Variants in VLDLR observed in about 807,000 individuals in gnomAD.
The protein encoded by VLDLR is very low-density lipoprotein receptor.
Under a neutral mutation model 112.7 loss-of-function variants are expected in VLDLR, and 81 were observed. The ratio of observed to expected loss-of-function variants is 0.72; its 90% confidence interval spans 0.60 to 0.86. The LOEUF (loss-of-function observed/expected upper bound fraction) is 0.86, where lower values mean the gene tolerates loss of function less well. Among genes scored for constraint, VLDLR ranks in the 40% least tolerant of loss-of-function variants. The pLI, the probability that VLDLR is intolerant of heterozygous loss-of-function variation, is 0.00. For missense variants in VLDLR, 1,237 were observed against 1,099.4 expected (o/e 1.13, Z -1.77); for synonymous variants, 436 against 384.8 (o/e 1.13, Z -1.56).
intron 4 of VLDLR, 85 bp from the exon 5 acceptor site, chr9:2,643,075 A>ATAAATAATAATGAATAATAAATAAAT: frequency 1.3e-6 from 2 of 1,585,674 alleles, no homozygotes; most frequent in East Asian, 4.5e-5. Context: ...TAATGAATAA[A>ATAAATAATAATGAATAATAAATAAAT]GATCAATGTA....
chr9:2,650,632 G>T, intron 15 of VLDLR, 116 bp downstream of exon 15: 1 of 1,404,736 alleles, frequency 7.1e-7, no homozygotes, highest in Middle Eastern at 1.8e-4. Context: ...GATTTGAGAA[G>T]ATATCTGCTA....
chr9:2,649,861 C>A (rs959693149), intron 14 of VLDLR, among the ~76,000 whole-genome samples: 1 of 152,220 alleles, frequency 6.6e-6, no homozygotes, highest in Admixed American at 6.5e-5. Context: ...CCCCCTGTGA[C>A]ACACCTGATA....
In VLDLR at chr9:2,622,142, G is replaced by A; in HGVS notation, c.-48G>A. 2 of 1,398,758 alleles carry A rather than the reference G, an allele frequency of 1.4e-6. No individual in the cohort carries two copies. The highest frequency in any genetic ancestry group is 1.4e-5 in the South Asian group (1 of 73,022). The allele number at this position is 1,398,758 out of a possible 1,614,324, so 86.6% of individuals were successfully genotyped here. A position where few individuals can be genotyped will look rare whatever the true frequency, so the allele number is the denominator to read the frequency against. Reference sequence around the variant, plus strand: ...AAGGACTGGTAACTTGTCGTGCGGAGCGAACGGCGGCGGCGGCGGCGGCGG... The same window carrying A: ...AAGGACTGGTAACTTGTCGTGCGGAACGAACGGCGGCGGCGGCGGCGGCGG... On this transcript the variant is annotated 5_prime_UTR_variant, in exon 1 of 19. Transcript: ENST00000382100.
At chr9:2,648,600 G>A in intron 13 of VLDLR, 69 bp from the exon 14 acceptor site, 1 of 1,608,310 alleles carries the variant, frequency 6.2e-7, no homozygotes, top group South Asian at 1.1e-5. Context: ...AGAAGTAAAT[G>A]ATGATGACCT....
At chr9:2,622,781 C>A (rs867765599) in intron 1 of VLDLR, among the ~76,000 whole-genome samples, 2 of 152,220 alleles carry the variant, frequency 1.3e-5, no homozygotes, top group Non-Finnish European at 2.9e-5. Flanking sequence ...TCAGAGTCTT[C>A]CGGCGGCCGC....
rs1010803233 is a variant in VLDLR, at chr9:2,657,627, A to G, written c.*3759A>G. 13 of 152,260 alleles carry G rather than the reference A, an allele frequency of 8.5e-5. No homozygotes were observed. The highest frequency in any genetic ancestry group is 1.5e-4 in the Non-Finnish European group (10 of 68,048). The allele number at this position is 152,260 out of a possible 1,614,324, so 9.4% of individuals were successfully genotyped here. On this transcript the variant is annotated 3_prime_UTR_variant, in exon 19 of 19. Transcript: ENST00000382100. ...TTAGTGGGGAGATGGTAGTGGCAAT[A>G]GCAGCGATAGTTGCGTCAGTGCTAA...
intron 14 of VLDLR, 83 bp from the exon 15 acceptor site, chr9:2,650,287 C>G: frequency 2.5e-6 from 4 of 1,576,028 alleles, no homozygotes; most frequent in Non-Finnish European, 3.5e-6. Flanking sequence ...GGCAAGGACT[C>G]AGGTCTTCAA....
At chr9:2,626,529 A>G (rs1817095464) in intron 1 of VLDLR, among the ~76,000 whole-genome samples, 1 of 152,206 alleles carries the variant, frequency 6.6e-6, no homozygotes. Context: ...TTGAGTCTCT[A>G]AGCAAGAGAA....
chr9:2,643,274 G>C lies in VLDLR; in HGVS notation c.563G>C (p.Cys188Ser). ...AGCGATGGCAGTGATGAGCTGGACT[G>C]TGCCCCGCCAACCTGTGGCGCCCAT... The part of the protein sequence containing the change: ...DCSDGSDELD[C>S]APPTCGAHEF... Residue 188 changes from cysteine (C) to serine (S), a missense_variant, in exon 5 of 19, where the codon TGT becomes TCT. Coordinates refer to ENST00000382100, the MANE Select transcript of VLDLR (RefSeq NM_003383.5). 6.2e-7 allele frequency: 1 copy of C among 1,613,898 alleles called. No homozygotes were observed. Among genetic ancestry groups the C allele is most frequent in the Admixed American group, 1.7e-5 (1 of 60,018 alleles).
rs898344587 is a variant in VLDLR at position 2,648,782 on chromosome 9, T to C, written c.2076T>C (p.Ile692=). Residue 692 remains isoleucine, a synonymous_variant, in exon 14 of 19, where the codon ATT becomes ATC. Coordinates refer to ENST00000382100, the MANE Select transcript of VLDLR (RefSeq NM_003383.5). The part of the protein sequence containing the change: ...VNNLNDAQDI[I]VYHELVQPSG... ...ACCTGAATGATGCCCAAGACATCAT[T>C]GTCTATCATGAACTTGTACAGCCAT... 1.2e-6 allele frequency: 2 copies of C among 1,614,134 alleles called. No homozygotes were observed. The highest frequency in any genetic ancestry group is 1.7e-5 in the Admixed American group (1 of 60,022).
At position 2,658,614 on chromosome 9, in the gene VLDLR, T is replaced by G. The variant is rs543268267; in HGVS notation, c.*4746T>G. On this transcript the variant is annotated 3_prime_UTR_variant, in exon 19 of 19. Transcript: ENST00000382100. ...GTGGTACCTTGGGCAAGTTACTAAC[T>G]CCCTCTGTAAAGTAGAGACGATGGG... is the stretch of plus-strand genomic sequence containing the variant. 6.6e-6 allele frequency: 1 copy of G among 152,282 alleles called. No homozygotes were observed. 9.4% of individuals were successfully genotyped at this position (152,282 alleles called of 1,614,324 possible).
chr9:2,643,566 C>G (rs771650738), intron 5 of VLDLR, 35 bp downstream of exon 5: 2 of 1,614,220 alleles, frequency 1.2e-6, no homozygotes, highest in Non-Finnish European at 1.7e-6. Flanking sequence ...GTTCAGTTCT[C>G]TTCCCTGTAT....
At chr9:2,625,376 T>C (rs1483133973) in intron 1 of VLDLR, among the ~76,000 whole-genome samples, 1 of 152,226 alleles carries the variant, frequency 6.6e-6, no homozygotes, top group African/African-American at 2.4e-5. Context: ...ATACAGCTAA[T>C]TCATTTTAAA....
chr9:2,635,370 G>A (rs1358372696), intron 1 of VLDLR, 83 bp from the exon 2 acceptor site: 3 of 1,605,390 alleles, frequency 1.9e-6, no homozygotes, highest in African/African-American at 2.7e-5. Context: ...GTATCCTTCT[G>A]AGAAGGTCCC....
rs1281202064 is a variant in VLDLR at position 2,647,544 on chromosome 9, C to T, written c.1774C>T (p.Arg592Cys). 9 of 1,614,028 alleles carry T rather than the reference C, an allele frequency of 5.6e-6. No individual in the cohort carries two copies. Among genetic ancestry groups the T allele is most frequent in the African/African-American group, 4.0e-5 (3 of 74,922 alleles). ...AGCAGGAATGAATGGATTCGATAGA[C>T]GTCCACTGGTGACAGCGGATATCCA... is the stretch of plus-strand genomic sequence containing the variant. Reference protein sequence around the residue: ...EKAGMNGFDRRPLVTADIQWP... With the variant: ...EKAGMNGFDRCPLVTADIQWP... Residue 592 changes from arginine to cysteine, a missense_variant, in exon 12 of 19, where the codon CGT becomes TGT. Physicochemically the swap from Arg to Cys is radical, Grantham distance 180. Coordinates refer to ENST00000382100, the MANE Select transcript of VLDLR (RefSeq NM_003383.5).
intron 1 of VLDLR, among the ~76,000 whole-genome samples, chr9:2,633,051 AGTGTGTGTGTGTGTGT>A (rs71329439): frequency 2.6e-5 from 3 of 115,402 alleles, no homozygotes; most frequent in African/African-American, 1.0e-4. Flanking sequence ...AGAGAGAGAG[AGTGTGTGTGTGTGTGT>A]GTGTGTGTGT....
chr9:2,654,637 C>CTGTT lies in VLDLR; in HGVS notation c.*771_*774dup, dbSNP rs1416492985. 1 of 152,166 alleles carries CTGTT rather than the reference C, an allele frequency of 6.6e-6. No homozygotes were observed. Among genetic ancestry groups the CTGTT allele is most frequent in the Non-Finnish European group, 1.5e-5 (1 of 68,030 alleles). 9.4% of individuals were successfully genotyped at this position (152,166 alleles called of 1,614,324 possible). ...CCTAGCACAGTTAAAAAATGAAGTA[C>CTGTT]TGTTTAACATTTGCTCCCGAAATAT... On this transcript the variant is annotated 3_prime_UTR_variant, in exon 19 of 19. Transcript: ENST00000382100.
intron 1 of VLDLR, among the ~76,000 whole-genome samples, chr9:2,627,604 C>G (rs1817152479): frequency 6.6e-6 from 1 of 152,054 alleles, no homozygotes; most frequent in African/African-American, 2.4e-5. Context: ...GTGGCTCAAA[C>G]CTATAATCCC....
intron 15 of VLDLR, 56 bp downstream of exon 15, chr9:2,650,572 G>A: frequency 6.2e-7 from 1 of 1,605,244 alleles, no homozygotes; most frequent in Non-Finnish European, 8.5e-7. Context: ...AATATAATAA[G>A]ACACAAGCTT....
Sources: gnomAD v4.1 joint callset for allele counts (sites outside exome capture counted in the v4.1 genomes callset) on GRCh38, gnomAD v4.1.1 for gene constraint, MANE v1.5 for transcripts, NCBI Gene and HGNC (gene_info 2026-07-23, HGNC 2026-07-21) for gene names.